The following FOXP2 variants were observed in gnomAD, a reference collection of about 807,000 sequenced individuals.
FOXP2 encodes forkhead box protein P2.
Under a neutral mutation model 115.8 loss-of-function variants are expected in FOXP2, and 12 were observed. The observed-to-expected ratio is 0.10, with a 90% CI of 0.07 to 0.17. The LOEUF is 0.17. FOXP2 is among the 10% of genes least tolerant of loss of function. FOXP2 has a pLI of 1.00. For missense variants in FOXP2, 629 were observed against 843.5 expected (o/e 0.75, Z 3.15); for synonymous variants, 328 against 297.7 (o/e 1.10, Z -1.05).
At chr7:114,437,496 G>A (rs1216360267) in intron 2 of FOXP2, among the ~76,000 whole-genome samples, 1 of 152,090 alleles carries the variant, frequency 6.6e-6, no homozygotes, top group Non-Finnish European at 1.5e-5. Flanking sequence ...CTTCCGTGAA[G>A]TCTTTCTACC....
At chr7:114,616,117 T>C (rs1383418805) in intron 3 of FOXP2, among the ~76,000 whole-genome samples, 1 of 152,156 alleles carries the variant, frequency 6.6e-6, no homozygotes, top group Non-Finnish European at 1.5e-5. Flanking sequence ...TAGCATCTCA[T>C]ATGTATCTTG....
At chr7:114,560,427 G>A (rs1306288326) in intron 3 of FOXP2, among the ~76,000 whole-genome samples, 3 of 152,030 alleles carry the variant, frequency 2.0e-5, no homozygotes, top group Non-Finnish European at 2.9e-5. Flanking sequence ...CCAACATAGG[G>A]AAACCTAAAA....
intron 3 of FOXP2, among the ~76,000 whole-genome samples, chr7:114,610,512 T>G (rs1279469968): frequency 1.3e-5 from 2 of 152,182 alleles, no homozygotes; most frequent in Non-Finnish European, 2.9e-5. Flanking sequence ...TGTACATACA[T>G]GTATATATAT....
At chr7:114,116,877 C>G (rs758439839) in intron 1 of FOXP2, among the ~76,000 whole-genome samples, 1 of 152,130 alleles carries the variant, frequency 6.6e-6, no homozygotes, top group African/African-American at 2.4e-5. Flanking sequence ...CCTTTCCACA[C>G]TACCTGCTCT....
intron 1 of FOXP2, among the ~76,000 whole-genome samples, chr7:114,097,919 A>G (rs1475610018): frequency 6.6e-6 from 1 of 152,234 alleles, no homozygotes; most frequent in Non-Finnish European, 1.5e-5. Context: ...ATAATTGAAG[A>G]ATCCTAGAGT....
chr7:114,489,750 T>C (rs971905521), intron 2 of FOXP2, among the ~76,000 whole-genome samples: 1 of 152,076 alleles, frequency 6.6e-6, no homozygotes, highest in Non-Finnish European at 1.5e-5. Context: ...TACCATCTGA[T>C]TAAAATATGG....
intron 1 of FOXP2, among the ~76,000 whole-genome samples, chr7:114,094,876 G>A (rs530114661): frequency 8.1e-4 from 122 of 151,518 alleles, no homozygotes; most frequent in African/African-American, 2.9e-3. Context: ...TCCAGGTTGG[G>A]AAAAAAAACC....
chr7:114,629,772 CTTTA>C lies in FOXP2; in HGVS notation c.397-26_397-23del, dbSNP rs1187470825. 2.5e-6 allele frequency: 4 copies of C among 1,613,760 alleles called. No homozygotes were observed. In the African/African-American group the frequency reaches 4.0e-5, roughly 16 times the overall value. The stretch of plus-strand genomic sequence containing the variant: ...GATTTATAATACGTGAAACTTTTGC[CTTTA>C]TTTATTAAAGTCAAAATGGTTTATT... On this transcript the variant is annotated intron_variant, in intron 4 of 16. Coordinates refer to ENST00000350908, the MANE Select transcript of FOXP2 (RefSeq NM_014491.4).
intron 1 of FOXP2, among the ~76,000 whole-genome samples, chr7:114,127,944 A>G (rs1051580357): frequency 1.3e-5 from 2 of 152,286 alleles, no homozygotes; most frequent in South Asian, 2.1e-4. Context: ...TAAAATGAAC[A>G]TATGTCTTGT....
chr7:114,437,718 G>A (rs1022521592), intron 2 of FOXP2, among the ~76,000 whole-genome samples: 1 of 152,078 alleles, frequency 6.6e-6, no homozygotes, highest in African/African-American at 2.4e-5. Flanking sequence ...CAACCAAACT[G>A]GCTGAAGGAA....
At chr7:114,285,837 T>C (rs1385343818) in intron 1 of FOXP2, among the ~76,000 whole-genome samples, 1 of 152,022 alleles carries the variant, frequency 6.6e-6, no homozygotes, top group Non-Finnish European at 1.5e-5. Flanking sequence ...AATATATAAG[T>C]ATATGTTAAC....
At chr7:114,561,812 C>A (rs986296057) in intron 3 of FOXP2, among the ~76,000 whole-genome samples, 3 of 151,636 alleles carry the variant, frequency 2.0e-5, no homozygotes, top group African/African-American at 7.3e-5. Flanking sequence ...TTTTTTGAGA[C>A]ATGGTCTTTC....
chr7:114,403,361 G>T (rs1033072169), intron 2 of FOXP2, among the ~76,000 whole-genome samples: 1 of 152,164 alleles, frequency 6.6e-6, no homozygotes, highest in African/African-American at 2.4e-5. Context: ...AGATTGTATA[G>T]TACATTTGCA....
intron 1 of FOXP2, among the ~76,000 whole-genome samples, chr7:114,185,526 A>G (rs1366409705): frequency 1.3e-5 from 2 of 152,222 alleles, no homozygotes; most frequent in African/African-American, 4.8e-5. Context: ...ATTGCTTAGT[A>G]AATGCTAACT....
At chr7:114,400,922 G>A (rs981281692) in intron 2 of FOXP2, among the ~76,000 whole-genome samples, 2 of 151,994 alleles carry the variant, frequency 1.3e-5, no homozygotes, top group African/African-American at 4.8e-5. Flanking sequence ...TGGGCAAATG[G>A]GAATTTATAA....
At chr7:114,126,925 T>C (rs534248926) in intron 1 of FOXP2, among the ~76,000 whole-genome samples, 9 of 152,190 alleles carry the variant, frequency 5.9e-5, no homozygotes, top group Non-Finnish European at 1.0e-4. Flanking sequence ...AACAAACTAC[T>C]GCAAACTTTA....
chr7:114,274,426 A>T (rs1796133875), intron 1 of FOXP2, among the ~76,000 whole-genome samples: 1 of 151,806 alleles, frequency 6.6e-6, no homozygotes, highest in Admixed American at 6.6e-5. Flanking sequence ...TGTAAATCTG[A>T]GTGTCTGACC....
intron 1 of FOXP2, among the ~76,000 whole-genome samples, chr7:114,131,265 G>A (rs1791867922): frequency 6.6e-6 from 1 of 152,192 alleles, no homozygotes; most frequent in Admixed American, 6.5e-5. Context: ...CAGTATGGAA[G>A]AGTCCATTTG....
chr7:114,226,405 G>A (rs1404682186), intron 1 of FOXP2, among the ~76,000 whole-genome samples: 4 of 152,114 alleles, frequency 2.6e-5, no homozygotes. Flanking sequence ...CCACTCCCTT[G>A]AAGATGGAAC....
Sources: gnomAD v4.1 joint callset for allele counts (sites outside exome capture counted in the v4.1 genomes callset) on GRCh38, gnomAD v4.1.1 for gene constraint, MANE v1.5 for transcripts, NCBI Gene and HGNC (gene_info 2026-07-23, HGNC 2026-07-21) for gene names.